TJP1: variants seen among roughly 807,000 people sequenced by gnomAD.
The protein encoded by TJP1 is tight junction protein ZO-1.
A neutral mutation model predicts 194.2 loss-of-function variants in TJP1; 43 were observed. That is an observed-to-expected ratio of 0.22 (90% CI 0.17 to 0.29). TJP1 has a LOEUF of 0.29. Among genes scored for constraint, TJP1 ranks in the 10% least tolerant of loss-of-function variants. The pLI is 1.00. For missense variants in TJP1, 1,971 were observed against 2,185.7 expected, an observed-to-expected ratio of 0.90 and a Z score of 1.96; for synonymous variants, 801 against 779.0, an observed-to-expected ratio of 1.03 and a Z score of -0.47.
chr15:29,779,048 G>GC (rs1174022195), intron 2 of TJP1, among the ~76,000 whole-genome samples: 1 of 152,102 alleles, frequency 6.6e-6, no homozygotes, highest in Non-Finnish European at 1.5e-5. Flanking sequence ...CTCCCCACTA[G>GC]CAAGTCACAT....
At chr15:29,807,513 G>A (rs1006957204) in intron 1 of TJP1, among the ~76,000 whole-genome samples, 2 of 152,124 alleles carry the variant, frequency 1.3e-5, no homozygotes, top group African/African-American at 4.8e-5. Context: ...GAAGGGAATG[G>A]CATAGCAGAG....
At chr15:29,912,966 G>C (rs2152229887) in intron 2 of TJP1, among the ~76,000 whole-genome samples, 1 of 152,342 alleles carries the variant, frequency 6.6e-6, no homozygotes, top group East Asian at 1.9e-4. Flanking sequence ...GCAGGAAGCA[G>C]AGACGAGCAG....
At chr15:29,850,147 T>G (rs1567132876) in intron 2 of TJP1, among the ~76,000 whole-genome samples, 2 of 152,070 alleles carry the variant, frequency 1.3e-5, no homozygotes, top group Non-Finnish European at 2.9e-5. Flanking sequence ...CCTCACACCT[T>G]ATACAAAAAT....
chr15:29,959,549 T>C (rs1027981421), intron 1 of TJP1, among the ~76,000 whole-genome samples: 33 of 152,100 alleles, frequency 2.2e-4, no homozygotes, highest in Admixed American at 2.1e-3. Context: ...GGCAGAGAGA[T>C]GGGATACGCT....
chr15:29,858,208 C>G (rs886449708), intron 2 of TJP1, among the ~76,000 whole-genome samples: 1 of 152,100 alleles, frequency 6.6e-6, no homozygotes, highest in Non-Finnish European at 1.5e-5. Flanking sequence ...CGAGACCAAC[C>G]TGGGCAACAT....
At chr15:29,959,530 A>G (rs1218146871) in intron 1 of TJP1, among the ~76,000 whole-genome samples, 1 of 152,088 alleles carries the variant, frequency 6.6e-6, no homozygotes, top group Admixed American at 6.6e-5. Context: ...GCCTGCCTTC[A>G]GGAACTCTGG....
intron 8 of TJP1, among the ~76,000 whole-genome samples, chr15:29,753,701 G>C (rs965113474): frequency 1.3e-5 from 2 of 151,774 alleles, no homozygotes; most frequent in Non-Finnish European, 2.9e-5. Flanking sequence ...CACGGTGTAA[G>C]GTACAGGAGC....
At chr15:29,727,883 T>A (rs1456758624) in intron 16 of TJP1, 54 bp downstream of exon 16, 1 of 1,467,026 alleles carries the variant, frequency 6.8e-7, no homozygotes, top group African/African-American at 1.4e-5. Flanking sequence ...CCAAATCCCA[T>A]CCCACTCAAA....
At chr15:29,949,635 C>CCTT (rs2055536595) in intron 2 of TJP1, among the ~76,000 whole-genome samples, 1 of 121,364 alleles carries the variant, frequency 8.2e-6, no homozygotes, top group East Asian at 3.6e-4. Flanking sequence ...TCCACCTCCA[C>CCTT]CACCTCCACC....
chr15:29,821,911 CA>C, intron 1 of TJP1, 90 bp downstream of exon 1: 3 of 1,122,168 alleles, frequency 2.7e-6, no homozygotes, highest in Non-Finnish European at 3.3e-6. Context: ...AGACAGCCGC[CA>C]GCGAGGGAGG....
At chr15:29,760,293 A>T in intron 8 of TJP1, 1 of 702,014 alleles carries the variant, frequency 1.4e-6, no homozygotes, top group Non-Finnish European at 2.6e-6. Context: ...TCAGATTCTC[A>T]AATGTACGTG....
intron 2 of TJP1, among the ~76,000 whole-genome samples, chr15:29,792,123 T>C (rs948530635): frequency 5.3e-5 from 8 of 152,234 alleles, no homozygotes; most frequent in Admixed American, 1.3e-4. Flanking sequence ...TTGAGCTTGA[T>C]GTGATCCCAC....
chr15:29,735,783 A>C (rs1401774142), intron 11 of TJP1, among the ~76,000 whole-genome samples: 2 of 152,096 alleles, frequency 1.3e-5, no homozygotes, highest in Non-Finnish European at 2.9e-5. Context: ...AGAAAGAATG[A>C]CCATATCAGA....
intron 2 of TJP1, among the ~76,000 whole-genome samples, chr15:29,777,824 T>C (rs1380135221): frequency 6.6e-6 from 1 of 152,162 alleles, no homozygotes; most frequent in Admixed American, 6.5e-5. Flanking sequence ...TGCAGACTGT[T>C]TGTAATTGCA....
At chr15:29,726,555 G>C in intron 17 of TJP1, 76 bp from the exon 18 acceptor site, 2 of 1,388,754 alleles carry the variant, frequency 1.4e-6, no homozygotes, top group South Asian at 2.4e-5. Flanking sequence ...CCTGCTTACA[G>C]CTAAATCGTC....
intron 1 of TJP1, among the ~76,000 whole-genome samples, chr15:29,960,842 G>A (rs1368975988): frequency 6.6e-6 from 1 of 151,942 alleles, no homozygotes; most frequent in African/African-American, 2.4e-5. Flanking sequence ...AAAGGCATAT[G>A]GCTCAATAAT....
chr15:29,937,129 A>T (rs190953049), intron 2 of TJP1, among the ~76,000 whole-genome samples: 1 of 152,264 alleles, frequency 6.6e-6, no homozygotes, highest in Admixed American at 6.5e-5. Flanking sequence ...ACTATTATAG[A>T]CTCTATTATA....
At chr15:29,726,672 C>A in intron 17 of TJP1, 109 bp downstream of exon 17, 2 of 1,230,368 alleles carry the variant, frequency 1.6e-6, no homozygotes, top group Non-Finnish European at 1.1e-6. Context: ...AGGAAGCTTT[C>A]CAAGAAAGTA....
At chr15:29,921,820 T>G (rs1346493434) in intron 2 of TJP1, among the ~76,000 whole-genome samples, 1 of 151,812 alleles carries the variant, frequency 6.6e-6, no homozygotes, top group Non-Finnish European at 1.5e-5. Context: ...TGCTTCATTA[T>G]CCCATTTTTT....
Sources: allele counts gnomAD v4.1 joint callset (sites outside exome capture counted in the v4.1 genomes callset), GRCh38; gene constraint gnomAD v4.1.1; transcripts MANE v1.5; gene names NCBI Gene and HGNC (gene_info 2026-07-23, HGNC 2026-07-21).